LGALS8: variants seen among roughly 807,000 people sequenced by gnomAD.
LGALS8 encodes the protein galectin 8.
A neutral mutation model predicts 35.9 loss-of-function variants in LGALS8; 30 were observed. That is an observed-to-expected ratio of 0.83 (90% confidence interval 0.62 to 1.13). LGALS8 has a LOEUF of 1.13. LGALS8 is among the 50% of genes most tolerant of loss of function. LGALS8 has a pLI of 0.00. For synonymous variants in LGALS8, 138 were observed against 136.1 expected (o/e 1.01, Z -0.10); for missense variants, 366 against 388.7 (o/e 0.94, Z 0.49).
chr1:236,538,513 A>G (rs1176492810), intron 3 of LGALS8, among the ~76,000 whole-genome samples: 3 of 152,196 alleles, frequency 2.0e-5, no homozygotes, highest in Non-Finnish European at 4.4e-5. Flanking sequence ...TTTGCGGGGA[A>G]ACAGAGCTGG....
chr1:236,548,460 T>G lies in LGALS8; in HGVS notation c.*299T>G, dbSNP rs933631854. 13 of 368,420 alleles carry G rather than the reference T, an allele frequency of 3.5e-5. No homozygotes were observed. In the South Asian group the frequency reaches 5.3e-4, roughly 15 times the overall value. The allele number at this position is 368,420 out of a possible 1,614,324, so 22.8% of individuals were successfully genotyped here. On this transcript the variant is annotated 3_prime_UTR_variant, in exon 10 of 10. Transcript: ENST00000366584. ...AGTATTTATGGAGTACCTACTATAATACAGTAGCTAACATGTATTGAGCAC... is the reference window on the plus strand; with the variant it reads ...AGTATTTATGGAGTACCTACTATAAGACAGTAGCTAACATGTATTGAGCAC...
At chr1:236,522,632 C>T (rs1311402811), upstream of LGALS8, among the ~76,000 whole-genome samples, 1 of 152,152 alleles carries the variant, frequency 6.6e-6, no homozygotes, top group Non-Finnish European at 1.5e-5. Context: ...TTCAACCTAA[C>T]ATTGATATCT....
Position 236,539,464 on chromosome 1 carries a change from G to GT in LGALS8, c.345+379dup, listed in dbSNP as rs1661811968. On this transcript the variant is annotated intron_variant, in intron 4 of 9. Transcript: ENST00000366584. ...CAATCCCAGCGAAGAAATCAGAAGGGTTTTGTAAATTCAAGTCTTGCCACA... is the reference window on the plus strand; with the variant it reads ...CAATCCCAGCGAAGAAATCAGAAGGGTTTTTGTAAATTCAAGTCTTGCCACA... Among the ~76,000 whole-genome samples the GT allele has an allele frequency of 3.3e-5, 5 of 152,236 alleles. No homozygotes were observed. In the South Asian group the frequency reaches 1.0e-3, roughly 32 times the overall value.
In LGALS8 at chr1:236,545,982, T is replaced by C. The variant is rs1436715754; in HGVS notation, c.804+1067T>C. Among the ~76,000 whole-genome samples, 9 of 152,294 alleles carry C rather than the reference T, an allele frequency of 5.9e-5. No homozygotes were observed. The South Asian group carries it at 1.7e-3, about 28-fold the overall frequency. ...CAGAGGTGAGTGCTCTAGAAGGAAG[T>C]TGAGCCTTGTGGTGGGTGACAGGAA... On this transcript the variant is annotated intron_variant, in intron 9 of 9. Coordinates refer to ENST00000366584, the MANE Select transcript of LGALS8 (RefSeq NM_201544.4).
At chr1:236,527,446 G>A (rs1036863435) in intron 2 of LGALS8, among the ~76,000 whole-genome samples, 1 of 152,278 alleles carries the variant, frequency 6.6e-6, no homozygotes, top group South Asian at 2.1e-4. Context: ...ATGCTGTTCT[G>A]AGGATAATGC....
In LGALS8 at chr1:236,551,251, C is replaced by G; in HGVS notation, c.*3090C>G. 2.2e-6 allele frequency: 1 copy of G among 451,176 alleles called. No homozygotes were observed. Among genetic ancestry groups the G allele is most frequent in the Non-Finnish European group, 3.9e-6 (1 of 255,344 alleles). 27.9% of individuals were successfully genotyped at this position (451,176 alleles called of 1,614,324 possible). A position where few individuals can be genotyped will look rare whatever the true frequency, so the allele number is the denominator to read the frequency against. On this transcript the variant is annotated 3_prime_UTR_variant, in exon 10 of 10. Transcript: ENST00000366584. Reference sequence around the variant, plus strand: ...CTCAAACTTCCTAGGGATGCCACCCCTTTAGTAGCTCACACCTCCCCCCTC... The same window carrying G: ...CTCAAACTTCCTAGGGATGCCACCCGTTTAGTAGCTCACACCTCCCCCCTC...
At chr1:236,543,866 A>G (rs573995416) in intron 8 of LGALS8, among the ~76,000 whole-genome samples, 8 of 152,198 alleles carry the variant, frequency 5.3e-5, no homozygotes, top group Admixed American at 3.3e-4. Context: ...CTGGCCAGAC[A>G]AGAGAGTAGC....
At position 236,542,973 on chromosome 1, in the gene LGALS8, G is replaced by A. The variant is rs751806845; in HGVS notation, c.549+186G>A. 48 of 1,614,024 alleles carry A rather than the reference G, an allele frequency of 3.0e-5. No homozygotes were observed. Among genetic ancestry groups the A allele is most frequent in the Admixed American group, 1.7e-4 (10 of 60,002 alleles). ...GCACCCAGAACTGTCTACACCAAGA[G>A]CAAAGATTCGACTGTCAATCACACT... is the stretch of plus-strand genomic sequence containing the variant. On this transcript the variant is annotated intron_variant, in intron 7 of 9. Coordinates refer to ENST00000366584, the MANE Select transcript of LGALS8 (RefSeq NM_201544.4).
chr1:236,532,459 T>G (rs1452209469), intron 2 of LGALS8, among the ~76,000 whole-genome samples: 1 of 152,184 alleles, frequency 6.6e-6, no homozygotes, highest in Admixed American at 6.5e-5. Flanking sequence ...TGGTTCTGAG[T>G]CTCCAAGTCT....
At chr1:236,541,754 GT>G in intron 6 of LGALS8, 44 bp downstream of exon 6, 2 of 1,008,466 alleles carry the variant, frequency 2.0e-6, no homozygotes, top group Non-Finnish European at 2.9e-6. Context: ...TAAAAATGTT[GT>G]TTTAGCTGCC....
At chr1:236,544,443 T>A (rs924931031) in intron 8 of LGALS8, among the ~76,000 whole-genome samples, 3 of 152,190 alleles carry the variant, frequency 2.0e-5, no homozygotes, top group Non-Finnish European at 4.4e-5. Flanking sequence ...GATCCCAGGC[T>A]CCTGCAGCCT....
intron 8 of LGALS8, among the ~76,000 whole-genome samples, chr1:236,543,950 C>CT (rs67516195): frequency 8.3e-4 from 122 of 147,550 alleles, no homozygotes; most frequent in African/African-American, 2.3e-3. Flanking sequence ...AACATCTTTT[C>CT]TTTTTTTTTT....
At chr1:236,527,732 ATTTT>A (rs200483025) in intron 2 of LGALS8, among the ~76,000 whole-genome samples, 1 of 149,594 alleles carries the variant, frequency 6.7e-6, no homozygotes. Context: ...TATTCAATTA[ATTTT>A]TTTTTTTTAA....
At chr1:236,521,843 A>AG (rs1660559631), upstream of LGALS8, among the ~76,000 whole-genome samples, 1 of 151,724 alleles carries the variant, frequency 6.6e-6, no homozygotes, top group Non-Finnish European at 1.5e-5. Flanking sequence ...AAAAAAAAAA[A>AG]AGTAGGTTTT....
chr1:236,543,718 G>A (rs1293430655), intron 8 of LGALS8, 70 bp downstream of exon 8: 28 of 1,067,206 alleles, frequency 2.6e-5, no homozygotes, highest in South Asian at 1.9e-4. Context: ...ACCCGTGAAC[G>A]GTCCTGTGAG....
intron 5 of LGALS8, 115 bp from the exon 6 acceptor site, chr1:236,541,539 T>C (rs757192901): frequency 1.7e-5 from 10 of 591,098 alleles, no homozygotes; most frequent in Non-Finnish European, 2.9e-5. Context: ...TTTTGGATCA[T>C]AGTTTTCAAG....
upstream of LGALS8, among the ~76,000 whole-genome samples, chr1:236,520,608 C>T (rs1053201672): frequency 6.6e-6 from 1 of 152,180 alleles, no homozygotes; most frequent in Non-Finnish European, 1.5e-5. Flanking sequence ...CCTCCTTGGC[C>T]TCTCAGCACA....
At position 236,544,745 on chromosome 1, in the gene LGALS8, A is replaced by G. The variant is rs1288102365; in HGVS notation, c.639-5A>G. 1 of 1,569,626 alleles carries G rather than the reference A, an allele frequency of 6.4e-7. No homozygotes were observed. Among genetic ancestry groups the G allele is most frequent in the East Asian group, 2.3e-5 (1 of 44,344 alleles). ...AGGTTTTTTTTTTTCTTTCTTTCTC[A>G]AAAGCTTTAATGTTGACCTACTAGC... On this transcript the variant is annotated splice_polypyrimidine_tract_variant and splice_region_variant and intron_variant, in intron 8 of 9. Coordinates refer to ENST00000366584, the MANE Select transcript of LGALS8 (RefSeq NM_201544.4).
At position 236,544,741 on chromosome 1, in the gene LGALS8, TC is replaced by T. The variant is rs1662254530; in HGVS notation, c.639-8del. On this transcript the variant is annotated splice_region_variant and splice_polypyrimidine_tract_variant and intron_variant, in intron 8 of 9. Transcript: ENST00000366584. ...ATTAAGGTTTTTTTTTTTCTTTCTT[TC>T]TCAAAAGCTTTAATGTTGACCTACT... 2.5e-6 allele frequency: 4 copies of T among 1,571,770 alleles called. No homozygotes were observed. The highest frequency in any genetic ancestry group is 3.4e-6 in the Non-Finnish European group (4 of 1,164,046).
Sources: allele counts gnomAD v4.1 joint callset (sites outside exome capture counted in the v4.1 genomes callset), GRCh38; gene constraint gnomAD v4.1.1; transcripts MANE v1.5; gene names NCBI Gene and HGNC (gene_info 2026-07-23, HGNC 2026-07-21).